Variants in GABRB3 observed in about 807,000 individuals in gnomAD.
GABRB3 encodes the protein gamma-aminobutyric acid type A receptor subunit beta3.
In GABRB3, 14 loss-of-function variants were observed where a neutral mutation model predicts 52.1. That is an observed-to-expected ratio of 0.27 (90% CI 0.18 to 0.42). The LOEUF (loss-of-function observed/expected upper bound fraction) is 0.42. Among genes scored for constraint, GABRB3 ranks in the 10% least tolerant of loss-of-function variants. The probability of loss-of-function intolerance (pLI) is 1.00; values close to 1 mark genes in which losing one functional copy is unlikely to be tolerated. For missense variants in GABRB3, 307 were observed against 609.1 expected (o/e 0.50, Z 5.22); for synonymous variants, 260 against 232.3 (o/e 1.12, Z -1.08).
intron 3 of GABRB3, among the ~76,000 whole-genome samples, chr15:26,649,944 G>A (rs4906891): frequency 0.07 from 10,625 of 152,090 alleles, 554 homozygotes; most frequent in Admixed American, 0.17. Context: ...CCAATTCTAC[G>A]TTTAGAGATA....
At chr15:26,765,710 GAAGA>G (rs1162950789) in intron 3 of GABRB3, among the ~76,000 whole-genome samples, 1 of 152,164 alleles carries the variant, frequency 6.6e-6, no homozygotes, top group African/African-American at 2.4e-5. Flanking sequence ...GAGAGATGGA[GAAGA>G]AAGACTAAGC....
intron 3 of GABRB3, among the ~76,000 whole-genome samples, chr15:26,638,327 T>G (rs367664265): frequency 1.9e-4 from 29 of 152,246 alleles, no homozygotes; most frequent in African/African-American, 6.7e-4. Flanking sequence ...TGATACCCGC[T>G]CCTCTTGCCT....
intron 4 of GABRB3, among the ~76,000 whole-genome samples, chr15:26,609,983 C>G (rs1892007747): frequency 6.6e-6 from 1 of 152,110 alleles, no homozygotes; most frequent in African/African-American, 2.4e-5. Context: ...GTTCTTTTCT[C>G]TGGAAACCAA....
intron 8 of GABRB3, among the ~76,000 whole-genome samples, chr15:26,548,888 G>A (rs1299341382): frequency 6.6e-6 from 1 of 152,196 alleles, no homozygotes; most frequent in Non-Finnish European, 1.5e-5. Flanking sequence ...AGAACATCCT[G>A]GGGCTGGGGG....
chr15:26,588,918 AG>A (rs775471508), intron 4 of GABRB3, among the ~76,000 whole-genome samples: 14 of 152,240 alleles, frequency 9.2e-5, no homozygotes, highest in Non-Finnish European at 1.6e-4. Flanking sequence ...AAGAATTAAA[AG>A]TATTAACATG....
chr15:26,743,114 G>C (rs1250496772), intron 3 of GABRB3, among the ~76,000 whole-genome samples: 1 of 151,932 alleles, frequency 6.6e-6, no homozygotes, highest in Non-Finnish European at 1.5e-5. Flanking sequence ...ATTTTTAGTA[G>C]AGATGGTGTT....
intron 3 of GABRB3, among the ~76,000 whole-genome samples, chr15:26,690,477 T>G (rs138706554): frequency 7.9e-4 from 121 of 152,220 alleles, no homozygotes; most frequent in Middle Eastern, 6.8e-3. Flanking sequence ...AACGGTTTCT[T>G]GACTACCAAT....
At chr15:26,667,577 T>A (rs953097951) in intron 3 of GABRB3, among the ~76,000 whole-genome samples, 1 of 152,188 alleles carries the variant, frequency 6.6e-6, no homozygotes, top group African/African-American at 2.4e-5. Flanking sequence ...ATTCTTAAAT[T>A]CATAATATGT....
chr15:26,606,042 T>C (rs1359428406), intron 4 of GABRB3, among the ~76,000 whole-genome samples: 1 of 151,670 alleles, frequency 6.6e-6, no homozygotes, highest in East Asian at 1.9e-4. Flanking sequence ...CCAGGTCTCT[T>C]GAGAACTCAC....
intron 3 of GABRB3, among the ~76,000 whole-genome samples, chr15:26,666,099 G>A (rs1324472987): frequency 6.6e-6 from 1 of 152,168 alleles, no homozygotes; most frequent in African/African-American, 2.4e-5. Context: ...CTAAAGGAAA[G>A]CATGCTTACA....
chr15:26,746,999 C>T (rs111608440), intron 3 of GABRB3, among the ~76,000 whole-genome samples: 3 of 130,156 alleles, frequency 2.3e-5, no homozygotes, highest in African/African-American at 5.3e-5. Context: ...AATAAATAAA[C>T]AAACAAACAA....
chr15:26,609,099 CACA>C (rs1891957752), intron 4 of GABRB3, among the ~76,000 whole-genome samples: 40 of 69,292 alleles, frequency 5.8e-4, no homozygotes, highest in Admixed American at 5.0e-3. Flanking sequence ...CACACACACA[CACA>C]TACACACACA....
chr15:26,737,016 G>GCCTC (rs1354707575), intron 3 of GABRB3, among the ~76,000 whole-genome samples: 1 of 152,194 alleles, frequency 6.6e-6, no homozygotes, highest in Non-Finnish European at 1.5e-5. Context: ...TTCCCTCTTA[G>GCCTC]CCTCCTGTGG....
At chr15:26,631,145 A>G (rs1188063135) in intron 3 of GABRB3, among the ~76,000 whole-genome samples, 1 of 152,198 alleles carries the variant, frequency 6.6e-6, no homozygotes, top group Non-Finnish European at 1.5e-5. Flanking sequence ...TGAGCCACCC[A>G]CAAGTGAAGC....
chr15:26,652,433 T>C (rs572474397), intron 3 of GABRB3, among the ~76,000 whole-genome samples: 6 of 152,324 alleles, frequency 3.9e-5, no homozygotes, highest in Middle Eastern at 6.8e-3. Context: ...GGTTTTCTTA[T>C]AATCATGAGG....
At chr15:26,705,305 G>C (rs1318217322) in intron 3 of GABRB3, among the ~76,000 whole-genome samples, 1 of 152,140 alleles carries the variant, frequency 6.6e-6, no homozygotes, top group Non-Finnish European at 1.5e-5. Flanking sequence ...CATTCACAGG[G>C]AAGAAGCCTC....
In GABRB3 at chr15:26,546,785, AT is replaced by A. The variant is rs1429778050; in HGVS notation, c.*1007del. On this transcript the variant is annotated 3_prime_UTR_variant, in exon 9 of 9. Coordinates refer to ENST00000311550, the MANE Select transcript of GABRB3 (RefSeq NM_000814.6). ...ATACATATATATGCATATTATGCAA[AT>A]ATATTTTCTATTAACATACAATGTT... 6.6e-6 allele frequency: 1 copy of A among 152,148 alleles called. No homozygotes were observed. The allele number at this position is 152,148 out of a possible 1,614,324, so 9.4% of individuals were successfully genotyped here.
chr15:26,695,670 A>C (rs2140671144), intron 3 of GABRB3, among the ~76,000 whole-genome samples: 1 of 152,282 alleles, frequency 6.6e-6, no homozygotes, highest in Admixed American at 6.5e-5. Flanking sequence ...ATTAAAGAAA[A>C]AAATAAGTGA....
chr15:26,619,287 G>C (rs1247149430), intron 4 of GABRB3, among the ~76,000 whole-genome samples: 1 of 151,790 alleles, frequency 6.6e-6, no homozygotes, highest in South Asian at 2.1e-4. Flanking sequence ...AACCATGATA[G>C]ACTGGATTAA....
Sources: gnomAD v4.1 joint callset for allele counts (sites outside exome capture counted in the v4.1 genomes callset) on GRCh38, gnomAD v4.1.1 for gene constraint, MANE v1.5 for transcripts, NCBI Gene and HGNC (gene_info 2026-07-23, HGNC 2026-07-21) for gene names.